The following DNAH10 variants were observed in gnomAD, a reference collection of about 807,000 sequenced individuals.
DNAH10 encodes axonemal beta dynein heavy chain 10.
DNAH10 carries 348 observed loss-of-function variants against 506.6 expected under a neutral mutation model. The observed-to-expected ratio is 0.69, with a 90% CI of 0.63 to 0.75. DNAH10 has a LOEUF of 0.75. DNAH10 is among the 30% of genes least tolerant of loss of function. The pLI is 0.00. For missense variants in DNAH10, 5,179 were observed against 5,787.1 expected (o/e 0.89, Z 3.41); for synonymous variants, 2,059 against 2,198.6 (o/e 0.94, Z 1.78).
At chr12:123,932,312 T>C (rs577996613) in intron 76 of DNAH10, among the ~76,000 whole-genome samples, 1 of 152,364 alleles carries the variant, frequency 6.6e-6, no homozygotes, top group African/African-American at 2.4e-5. Flanking sequence ...AAGCATACTC[T>C]TACATACCCG....
At chr12:123,821,884 C>T (rs1959443795) in intron 24 of DNAH10, among the ~76,000 whole-genome samples, 1 of 151,764 alleles carries the variant, frequency 6.6e-6, no homozygotes, top group Non-Finnish European at 1.5e-5. Flanking sequence ...GCCTGGGCAA[C>T]AAGGCGAAAC....
chr12:123,896,253 C>G (rs894094077), intron 54 of DNAH10, among the ~76,000 whole-genome samples: 1 of 150,160 alleles, frequency 6.7e-6, no homozygotes, highest in African/African-American at 2.5e-5. Context: ...TGTGAGGCAC[C>G]GTTTTTCCTG....
At chr12:123,896,627 G>C (rs1357659081) in intron 54 of DNAH10, among the ~76,000 whole-genome samples, 1 of 151,440 alleles carries the variant, frequency 6.6e-6, no homozygotes, top group Admixed American at 6.6e-5. Flanking sequence ...AAAACCCAAG[G>C]CCCTTCTGCC....
At chr12:123,872,875 C>T (rs1477081236) in intron 45 of DNAH10, among the ~76,000 whole-genome samples, 1 of 152,220 alleles carries the variant, frequency 6.6e-6, no homozygotes, top group Non-Finnish European at 1.5e-5. Context: ...GAATGGAGCC[C>T]AGCAAGGTGT....
At chr12:123,835,824 T>C (rs1235738691) in intron 28 of DNAH10, among the ~76,000 whole-genome samples, 1 of 152,186 alleles carries the variant, frequency 6.6e-6, no homozygotes, top group Non-Finnish European at 1.5e-5. Flanking sequence ...AGGATCTTGC[T>C]ATGTTGTCCA....
rs1958435875 is a variant in DNAH10, at chr12:123,800,290, CAGAG to C, written c.2368_2371del (p.Glu790LeufsTer8). ...TTGCAATCAACTTTTCACCGGCTCT[CAGAG>C]AGATTATTAATGAAACAAAGTACTT... On this transcript the variant is annotated frameshift_variant, in exon 15 of 79. Transcript: ENST00000673944. LOFTEE classifies it high-confidence loss of function. 6.2e-7 allele frequency: 1 copy of C among 1,614,124 alleles called. No individual in the cohort carries two copies. Among genetic ancestry groups the C allele is most frequent in the African/African-American group, 1.3e-5 (1 of 75,028 alleles).
chr12:123,789,613 G>A (rs1958002819), intron 10 of DNAH10, among the ~76,000 whole-genome samples: 1 of 152,106 alleles, frequency 6.6e-6, no homozygotes. Flanking sequence ...TGAACTCCTG[G>A]CCTCAAGTGA....
At chr12:123,792,218 T>C (rs1041996833) in intron 11 of DNAH10, among the ~76,000 whole-genome samples, 24 of 152,352 alleles carry the variant, frequency 1.6e-4, no homozygotes, top group Non-Finnish European at 3.4e-4. Context: ...AATACCTTTC[T>C]TGGCCAACCT....
At chr12:123,820,476 A>G (rs1361038975) in intron 23 of DNAH10, 104 bp from the exon 24 acceptor site, 3 of 1,206,550 alleles carry the variant, frequency 2.5e-6, no homozygotes, top group Non-Finnish European at 3.5e-6. Flanking sequence ...CGTGTGGTTT[A>G]TGAGGATGAA....
At chr12:123,804,661 C>T (rs1464712659) in intron 17 of DNAH10, among the ~76,000 whole-genome samples, 172 bp from the exon 18 acceptor site, 2 of 152,066 alleles carry the variant, frequency 1.3e-5, no homozygotes. Flanking sequence ...AACTGGTTGT[C>T]ATTTATTTGT....
chr12:123,886,565 A>G (rs140910914), intron 51 of DNAH10, among the ~76,000 whole-genome samples: 1 of 152,056 alleles, frequency 6.6e-6, no homozygotes, highest in East Asian at 1.9e-4. Flanking sequence ...CTGAGTGTGA[A>G]CATGTGGGAA....
chr12:123,899,654 G>C (rs906313291), intron 56 of DNAH10, among the ~76,000 whole-genome samples: 1 of 152,178 alleles, frequency 6.6e-6, no homozygotes, highest in African/African-American at 2.4e-5. Context: ...CCAATTAGAT[G>C]TTCTCTGGGA....
chr12:123,862,391 T>C (rs146503504), intron 39 of DNAH10, among the ~76,000 whole-genome samples: 5 of 152,186 alleles, frequency 3.3e-5, no homozygotes, highest in African/African-American at 7.2e-5. Context: ...TGTTCTTCTT[T>C]CTTCTTTTCT....
intron 18 of DNAH10, among the ~76,000 whole-genome samples, chr12:123,807,421 G>A (rs988498437): frequency 6.6e-6 from 1 of 152,212 alleles, no homozygotes; most frequent in Non-Finnish European, 1.5e-5. Flanking sequence ...GAATGGAGAT[G>A]CTGCTGTAAT....
At chr12:123,892,515 G>A (rs748468014) in intron 52 of DNAH10, among the ~76,000 whole-genome samples, 23 of 152,172 alleles carry the variant, frequency 1.5e-4, no homozygotes, top group Admixed American at 2.0e-4. Flanking sequence ...TGGTGCGGAC[G>A]CAGATCCAAA....
chr12:123,898,547 A>C (rs1953362019), intron 55 of DNAH10, 106 bp from the exon 56 acceptor site: 1 of 1,357,234 alleles, frequency 7.4e-7, no homozygotes. Flanking sequence ...CATCTTGTAA[A>C]AATGTTTTGT....
Position 123,877,906 on chromosome 12 carries a change from G to T in DNAH10, c.8370G>T (p.Glu2790Asp). ...ATGGTCTTGTCCTCACTAACCCGGA[G>T]CGGTGAGTTTGATTTATCTTACTAA... is the stretch of plus-strand genomic sequence containing the variant. ...VFNGLVLTNP[E>D]RFQTVAQMVR... The change falls in exon 48 of 79, where the codon GAG (glutamate) becomes GAT (aspartate). Residue 2790 changes from glutamate (E) to aspartate (D), a missense_variant and splice_region_variant. Physicochemically the swap from Glu to Asp is conservative, Grantham distance 45. Coordinates refer to ENST00000673944, the MANE Select transcript of DNAH10 (RefSeq NM_001372106.1). 2 of 1,613,040 alleles carry T rather than the reference G, an allele frequency of 1.2e-6. No individual in the cohort carries two copies. The highest frequency in any genetic ancestry group is 1.7e-6 in the Non-Finnish European group (2 of 1,179,600).
At chr12:123,821,191 AG>A (rs1011852779) in intron 24 of DNAH10, among the ~76,000 whole-genome samples, 14 of 152,028 alleles carry the variant, frequency 9.2e-5, no homozygotes, top group Non-Finnish European at 1.3e-4. Context: ...TGGAGGTTGC[AG>A]TGAGTCCAGA....
rs12580536 is a variant in DNAH10, at chr12:123,867,873, G to A, written c.7303-30G>A. 0.012 allele frequency: 18,900 copies of A among 1,598,040 alleles called. 384 individuals carry two copies. Among genetic ancestry groups the A allele is most frequent in the African/African-American group, 0.075 (5,587 of 74,822 alleles). On this transcript the variant is annotated intron_variant, in intron 42 of 78. Coordinates refer to ENST00000673944, the MANE Select transcript of DNAH10 (RefSeq NM_001372106.1). ...GGACTCTGTGGGGGTGGACTATGTG[G>A]GCTGAACCAGATATTTTCCTGTGAA...
Sources: allele counts gnomAD v4.1 joint callset (sites outside exome capture counted in the v4.1 genomes callset), GRCh38; gene constraint gnomAD v4.1.1; transcripts MANE v1.5; gene names NCBI Gene and HGNC (gene_info 2026-07-23, HGNC 2026-07-21).